PRCC: variants seen among roughly 807,000 people sequenced by gnomAD.
PRCC encodes proline-rich protein PRCC.
In PRCC, 10 loss-of-function variants were observed where a neutral mutation model predicts 44.0. That is an observed-to-expected ratio of 0.23 (90% CI 0.14 to 0.39). PRCC has a LOEUF of 0.39. PRCC is among the 10% of genes least tolerant of loss of function. The pLI, the probability that PRCC is intolerant of heterozygous loss-of-function variation, is 1.00. For missense variants in PRCC, 573 were observed against 624.7 expected, an observed-to-expected ratio of 0.92 and a Z score of 0.88; for synonymous variants, 278 against 259.5, an observed-to-expected ratio of 1.07 and a Z score of -0.69.
rs1167926776 is a variant in PRCC, at chr1:156,768,077, G to A, written c.306G>A (p.Ala102=). 6.3e-6 allele frequency: 10 copies of A among 1,589,772 alleles called. No homozygotes were observed. Among genetic ancestry groups the A allele is most frequent in the Middle Eastern group, 1.7e-4 (1 of 5,978 alleles). Residue 102 remains alanine, a synonymous_variant, in exon 1 of 7, where the codon GCG becomes GCA. Transcript: ENST00000271526. ...CAGGCGTGAGCCCGGCTGAAGCGGC[G>A]GGAGTTGGGGAGGGACTGGGATTGG... ...PPPGVSPAEA[A]GVGEGLGLGL...
intron 6 of PRCC, 115 bp downstream of exon 6, chr1:156,797,456 G>A: frequency 8.1e-7 from 1 of 1,227,450 alleles, no homozygotes; most frequent in Non-Finnish European, 1.2e-6. Flanking sequence ...CCATCTTTTA[G>A]CAGGCATCCT....
chr1:156,767,637 G>T lies in PRCC; in HGVS notation c.-135G>T. 2 of 832,258 alleles carry T rather than the reference G, an allele frequency of 2.4e-6. No homozygotes were observed. The highest frequency in any genetic ancestry group is 3.7e-6 in the Non-Finnish European group (2 of 541,768). 51.6% of individuals were successfully genotyped at this position (832,258 alleles called of 1,614,324 possible). ...TAGCCATGAGTTTCTGCCGGGGCTA[G>T]CCCTAGAGTACGGAGCAGGCGGACT... On this transcript the variant is annotated 5_prime_UTR_variant, in exon 1 of 7. An upstream open reading frame in the 5' UTR loses its in-frame stop. Coordinates refer to ENST00000271526, the MANE Select transcript of PRCC (RefSeq NM_005973.5).
chr1:156,791,269 G>A (rs1652463718), intron 3 of PRCC: 1 of 795,650 alleles, frequency 1.3e-6, no homozygotes, highest in African/African-American at 1.7e-5. Context: ...ACTAGAATGA[G>A]GAGCAGGAAT....
At chr1:156,798,966 C>T (rs905446427) in intron 6 of PRCC, among the ~76,000 whole-genome samples, 13 of 152,016 alleles carry the variant, frequency 8.6e-5, no homozygotes, top group Admixed American at 6.6e-5. Flanking sequence ...AAATGATTAG[C>T]ATTACGTGGT....
chr1:156,777,721 T>C (rs1178582372), intron 1 of PRCC, among the ~76,000 whole-genome samples: 1 of 152,206 alleles, frequency 6.6e-6, no homozygotes, highest in African/African-American at 2.4e-5. Flanking sequence ...AAATGAGTGA[T>C]GTAGGGACAC....
intron 1 of PRCC, among the ~76,000 whole-genome samples, chr1:156,779,316 C>T (rs1413180145): frequency 6.7e-6 from 1 of 148,864 alleles, no homozygotes; most frequent in Non-Finnish European, 1.5e-5. Flanking sequence ...CCACCATGCC[C>T]AGCTAATTTT....
At chr1:156,777,045 T>G (rs1651851424) in intron 1 of PRCC, among the ~76,000 whole-genome samples, 1 of 152,260 alleles carries the variant, frequency 6.6e-6, no homozygotes, top group Non-Finnish European at 1.5e-5. Context: ...TTGTATCATT[T>G]TCACTGGCAG....
intron 5 of PRCC, chr1:156,796,727 A>G (rs906073945): frequency 6.5e-6 from 1 of 152,758 alleles, no homozygotes; most frequent in Admixed American, 6.5e-5. Context: ...GGTTTTAGCC[A>G]GAGGTGATTG....
chr1:156,780,015 C>T (rs187981423), intron 1 of PRCC, among the ~76,000 whole-genome samples: 5 of 152,108 alleles, frequency 3.3e-5, no homozygotes, highest in African/African-American at 7.2e-5. Context: ...CTCAGCCTCC[C>T]GAGAAGTGCG....
At position 156,794,651 on chromosome 1, in the gene PRCC, T is replaced by G. The variant is rs1299994448; in HGVS notation, c.1180-14T>G. The G allele has an allele frequency of 6.2e-7, 1 of 1,613,796 alleles. No homozygotes were observed. The highest frequency in any genetic ancestry group is 1.7e-5 in the Admixed American group (1 of 59,944). On this transcript the variant is annotated splice_polypyrimidine_tract_variant and intron_variant, in intron 4 of 6. Transcript: ENST00000271526. The stretch of plus-strand genomic sequence containing the variant: ...TGCCCAGATTCCTGACTCCTGCATT[T>G]TTTTCTTTTCCAGTTTAAGCGGCTG...
chr1:156,773,660 C>T (rs773128239), intron 1 of PRCC, among the ~76,000 whole-genome samples: 1 of 152,122 alleles, frequency 6.6e-6, no homozygotes. Context: ...GAAGTTGACT[C>T]CACAACCTCC....
intron 1 of PRCC, among the ~76,000 whole-genome samples, chr1:156,781,668 C>T (rs1652055781): frequency 6.6e-6 from 1 of 152,196 alleles, no homozygotes; most frequent in South Asian, 2.1e-4. Context: ...GCCCCAGATC[C>T]TCATGGTCAT....
At chr1:156,772,217 C>A (rs1651662260) in intron 1 of PRCC, among the ~76,000 whole-genome samples, 1 of 152,132 alleles carries the variant, frequency 6.6e-6, no homozygotes, top group African/African-American at 2.4e-5. Context: ...TGAAGGATGG[C>A]CACCCACACC....
In PRCC at chr1:156,800,523, A is replaced by G; in HGVS notation, c.*63A>G. On this transcript the variant is annotated 3_prime_UTR_variant, in exon 7 of 7. Transcript: ENST00000271526. ...CCCAGCTGGCCTGGCCCCCAGCTTC[A>G]CCTCTGGGACCCCAGCTGCTCTAAG... is the stretch of plus-strand genomic sequence containing the variant. 1 of 1,524,306 alleles carries G rather than the reference A, an allele frequency of 6.6e-7. No homozygotes were observed. The highest frequency in any genetic ancestry group is 9.1e-7 in the Non-Finnish European group (1 of 1,099,574). The allele number at this position is 1,524,306 out of a possible 1,614,324, so 94.4% of individuals were successfully genotyped here.
chr1:156,783,985 C>T (rs910619921), intron 2 of PRCC, among the ~76,000 whole-genome samples: 18 of 151,244 alleles, frequency 1.2e-4, no homozygotes, highest in African/African-American at 3.4e-4. Context: ...CTCGCTCTAC[C>T]GCCCAGGCTG....
chr1:156,787,982 C>T (rs1652336119), intron 3 of PRCC, among the ~76,000 whole-genome samples: 2 of 152,106 alleles, frequency 1.3e-5, no homozygotes, highest in African/African-American at 4.8e-5. Flanking sequence ...CAGGCACATT[C>T]CACCATGCCC....
chr1:156,785,219 A>C (rs879846848), intron 2 of PRCC, among the ~76,000 whole-genome samples: 12 of 152,120 alleles, frequency 7.9e-5, no homozygotes, highest in Admixed American at 7.9e-4. Flanking sequence ...CTTAAGTAAA[A>C]AATACCCTTA....
At chr1:156,775,760 C>T (rs1300679354) in intron 1 of PRCC, among the ~76,000 whole-genome samples, 5 of 152,112 alleles carry the variant, frequency 3.3e-5, no homozygotes, top group South Asian at 2.1e-4. Context: ...CTGCCCACCT[C>T]GGCCTCCCAA....
chr1:156,787,032 A>T lies in PRCC; in HGVS notation c.941A>T (p.Asp314Val). The T allele has an allele frequency of 3.7e-6, 6 of 1,614,212 alleles. No homozygotes were observed. The highest frequency in any genetic ancestry group is 5.1e-6 in the Non-Finnish European group (6 of 1,180,034). The change falls in exon 3 of 7, where the codon GAC becomes GTC. Residue 314 changes from aspartate (D) to valine (V), a missense_variant. Around this residue, in one of 4 missense-constraint regions of PRCC, gnomAD observed 141 missense variants for 130.2 expected, o/e 1.08. Coordinates refer to ENST00000271526, the MANE Select transcript of PRCC (RefSeq NM_005973.5). ...ACGGAACCAGAGCCGGCTTTCCAGGACGATGCAGCCAATGCCCCCCTTGAA... is the reference window on the plus strand; with the variant it reads ...ACGGAACCAGAGCCGGCTTTCCAGGTCGATGCAGCCAATGCCCCCCTTGAA... ...PGTEPEPAFQ[D>V]DAANAPLEFK...
Sources: gnomAD v4.1 joint callset for allele counts (sites outside exome capture counted in the v4.1 genomes callset) on GRCh38, gnomAD v4.1.1 for gene constraint, gnomAD v4.1.1 regional missense constraint, MANE v1.5 for transcripts, NCBI Gene and HGNC (gene_info 2026-07-23, HGNC 2026-07-21) for gene names.